PTPRD: variants seen among roughly 807,000 people sequenced by gnomAD.
PTPRD encodes the protein receptor-type tyrosine-protein phosphatase delta.
Under a neutral mutation model 214.5 loss-of-function variants are expected in PTPRD, and 34 were observed. The ratio of observed to expected loss-of-function variants is 0.16; its 90% CI spans 0.12 to 0.21. The LOEUF is 0.21. Among genes scored for constraint, PTPRD ranks in the 10% least tolerant of loss-of-function variants. The pLI is 1.00. For missense variants in PTPRD, 2,545 were observed against 2,398.7 expected (o/e 1.06, Z -1.27); for synonymous variants, 1,128 against 845.7 (o/e 1.33, Z -5.79).
chr9:9,862,948 G>A (rs1323795), intron 5 of PTPRD, among the ~76,000 whole-genome samples: 150,915 of 152,306 alleles, frequency 0.99, 74,782 homozygotes, highest in Middle Eastern at 1. Flanking sequence ...TCATAAAATA[G>A]TTTGTAAACT....
chr9:10,043,211 C>G (rs2097328507), intron 3 of PTPRD, among the ~76,000 whole-genome samples: 1 of 151,896 alleles, frequency 6.6e-6, no homozygotes, highest in African/African-American at 2.4e-5. Flanking sequence ...TACACTTAGG[C>G]ATCAGTTTTT....
At chr9:9,333,504 T>TTATATATATATATATA (rs3048057) in intron 9 of PTPRD, among the ~76,000 whole-genome samples, 14 of 137,246 alleles carry the variant, frequency 1.0e-4, no homozygotes, top group Admixed American at 5.8e-4. Flanking sequence ...ATATAGTATA[T>TTATATATATATATATA]TATATATATA....
At chr9:9,234,143 C>G (rs2099964989) in intron 9 of PTPRD, among the ~76,000 whole-genome samples, 1 of 152,214 alleles carries the variant, frequency 6.6e-6, no homozygotes, top group Non-Finnish European at 1.5e-5. Context: ...CATACATGAT[C>G]TGAAATCTAG....
intron 3 of PTPRD, among the ~76,000 whole-genome samples, chr9:10,180,471 A>G (rs1332759580): frequency 6.6e-6 from 1 of 151,954 alleles, no homozygotes; most frequent in Non-Finnish European, 1.5e-5. Flanking sequence ...TTTCTGGTGG[A>G]TCATTTCACT....
chr9:10,468,453 G>C (rs912452710), intron 2 of PTPRD, among the ~76,000 whole-genome samples: 1 of 152,118 alleles, frequency 6.6e-6, no homozygotes. Flanking sequence ...TGAACAATGA[G>C]AACACATGGA....
intron 12 of PTPRD, among the ~76,000 whole-genome samples, chr9:8,652,166 T>A (rs1596121935): frequency 6.6e-6 from 1 of 152,322 alleles, no homozygotes; most frequent in Non-Finnish European, 1.5e-5. Context: ...AAATAAACTT[T>A]TTGAAAAACC....
chr9:8,995,619 G>A (rs2099393689), intron 11 of PTPRD, among the ~76,000 whole-genome samples: 1 of 151,892 alleles, frequency 6.6e-6, no homozygotes, highest in Non-Finnish European at 1.5e-5. Context: ...ATCAATTAAT[G>A]TCCAGAACAT....
chr9:9,420,392 G>GT (rs1430959559), intron 8 of PTPRD, among the ~76,000 whole-genome samples: 13 of 151,796 alleles, frequency 8.6e-5, no homozygotes, highest in Non-Finnish European at 1.8e-4. Flanking sequence ...TCAACTAGCT[G>GT]TTACTGCCTC....
At chr9:9,881,789 G>C (rs1198759923) in intron 5 of PTPRD, among the ~76,000 whole-genome samples, 2 of 151,998 alleles carry the variant, frequency 1.3e-5, no homozygotes, top group Admixed American at 1.3e-4. Flanking sequence ...TTAGCCAATG[G>C]GATATCAGTA....
intron 9 of PTPRD, among the ~76,000 whole-genome samples, chr9:9,368,866 T>C (rs943703036): frequency 6.6e-6 from 1 of 151,942 alleles, no homozygotes. Flanking sequence ...TTAACTCGTG[T>C]CGTCATTTAG....
At chr9:10,023,458 T>C (rs766833692) in intron 4 of PTPRD, among the ~76,000 whole-genome samples, 7 of 152,168 alleles carry the variant, frequency 4.6e-5, no homozygotes, top group Non-Finnish European at 7.3e-5. Context: ...TCCACGTACT[T>C]GAGAAAGTAA....
chr9:10,300,123 ATTGT>A (rs2095815369), intron 3 of PTPRD, among the ~76,000 whole-genome samples: 4 of 152,222 alleles, frequency 2.6e-5, no homozygotes, highest in Admixed American at 2.0e-4. Context: ...CAGCTGATTA[ATTGT>A]TTGATAAACA....
At chr9:10,003,156 G>C (rs987953729) in intron 4 of PTPRD, among the ~76,000 whole-genome samples, 2 of 151,740 alleles carry the variant, frequency 1.3e-5, no homozygotes, top group Non-Finnish European at 3.0e-5. Context: ...ATGAGTTCCA[G>C]GCAGAAGGAA....
intron 11 of PTPRD, among the ~76,000 whole-genome samples, chr9:8,904,541 G>T (rs2016766): frequency 0.13 from 20,336 of 151,782 alleles, 1,605 homozygotes; most frequent in East Asian, 0.28. Context: ...CTATGGTGGC[G>T]CATGCCTGTA....
At chr9:9,022,878 T>C (rs1022457876) in intron 10 of PTPRD, among the ~76,000 whole-genome samples, 3 of 152,112 alleles carry the variant, frequency 2.0e-5, no homozygotes, top group Admixed American at 1.3e-4. Flanking sequence ...GCAAACAATA[T>C]TGGAATTATA....
At chr9:8,509,831 A>G (rs921208523) in intron 21 of PTPRD, among the ~76,000 whole-genome samples, 4 of 152,098 alleles carry the variant, frequency 2.6e-5, no homozygotes, top group African/African-American at 9.7e-5. Flanking sequence ...CAAGTCTCAG[A>G]GAGTACACTG....
chr9:9,984,559 C>T (rs934637963), intron 4 of PTPRD, among the ~76,000 whole-genome samples: 1 of 152,146 alleles, frequency 6.6e-6, no homozygotes, highest in Admixed American at 6.5e-5. Context: ...TATGGGTACA[C>T]AGAGTGACTT....
At chr9:8,947,106 A>G (rs1342804062) in intron 11 of PTPRD, among the ~76,000 whole-genome samples, 1 of 115,200 alleles carries the variant, frequency 8.7e-6, no homozygotes, top group Non-Finnish European at 1.8e-5. Context: ...GTTCTTTATT[A>G]TATTATTTGT....
intron 8 of PTPRD, among the ~76,000 whole-genome samples, chr9:9,480,058 A>G (rs1404944384): frequency 6.6e-6 from 1 of 152,216 alleles, no homozygotes; most frequent in Non-Finnish European, 1.5e-5. Context: ...CAATTGTCCT[A>G]TCACAGAATG....
Sources: gnomAD v4.1 joint callset for allele counts (sites outside exome capture counted in the v4.1 genomes callset) on GRCh38, gnomAD v4.1.1 for gene constraint, MANE v1.5 for transcripts, NCBI Gene and HGNC (gene_info 2026-07-23, HGNC 2026-07-21) for gene names.